Variants in GADL1 observed in about 807,000 individuals in gnomAD.
GADL1 encodes GAD like acidic amino acid decarboxylase 1.
Under a neutral mutation model 69.5 loss-of-function variants are expected in GADL1, and 71 were observed. The observed-to-expected ratio is 1.02, with a 90% CI of 0.84 to 1.25. GADL1 has a LOEUF of 1.25. Ranked by LOEUF, GADL1 falls within the 50% of genes most tolerant of loss-of-function variation. The pLI is 0.00. For missense variants in GADL1, 737 were observed against 631.8 expected, an observed-to-expected ratio of 1.17 and a Z score of -1.79; for synonymous variants, 254 against 214.4, an observed-to-expected ratio of 1.18 and a Z score of -1.62.
chr3:30,752,611 C>T (rs1158532702), intron 14 of GADL1, among the ~76,000 whole-genome samples: 4 of 152,156 alleles, frequency 2.6e-5, no homozygotes, highest in Non-Finnish European at 5.9e-5. Context: ...TTTCTCTTAA[C>T]CTGTTCCCCT....
intron 11 of GADL1, among the ~76,000 whole-genome samples, chr3:30,819,950 AAG>A (rs1463361669): frequency 2.6e-5 from 4 of 152,090 alleles, no homozygotes; most frequent in African/African-American, 9.7e-5. Context: ...ATTTCTGAGC[AAG>A]AGTTTTATAA....
Position 30,751,484 on chromosome 3 carries a change from G to A in GADL1, c.1393-23069C>T, listed in dbSNP as rs532701663. 2.7e-5 allele frequency among the ~76,000 whole-genome samples: 4 copies of A among 150,354 alleles called. No individual in the cohort carries two copies. In the South Asian group the frequency reaches 8.5e-4, roughly 32 times the overall value. ...TTCTGTTCAACATTCCGAGAACCTG[G>A]GTAACTAGAACCTGGGCAACTAGAT... On this transcript the variant is annotated intron_variant, in intron 14 of 14. Coordinates refer to ENST00000282538, the MANE Select transcript of GADL1 (RefSeq NM_207359.3).
At chr3:30,846,537 G>A (rs763888103) in intron 6 of GADL1, among the ~76,000 whole-genome samples, 52 of 151,774 alleles carry the variant, frequency 3.4e-4, no homozygotes, top group Non-Finnish European at 5.7e-4. Context: ...CAAGTTAGCT[G>A]GTAGAGAGAA....
chr3:30,814,839 C>T (rs1437753738), intron 11 of GADL1, among the ~76,000 whole-genome samples: 1 of 151,982 alleles, frequency 6.6e-6, no homozygotes, highest in Non-Finnish European at 1.5e-5. Context: ...TGGTGGGCAC[C>T]TGTAATCCCA....
At chr3:30,807,817 A>C (rs969078290) in intron 11 of GADL1, among the ~76,000 whole-genome samples, 5 of 152,012 alleles carry the variant, frequency 3.3e-5, no homozygotes, top group Non-Finnish European at 5.9e-5. Context: ...AGATCACTGG[A>C]GGTCAGGAGT....
chr3:30,868,300 C>T (rs1698432703), intron 1 of GADL1, among the ~76,000 whole-genome samples: 1 of 152,006 alleles, frequency 6.6e-6, no homozygotes, highest in African/African-American at 2.4e-5. Flanking sequence ...GACCAATTTG[C>T]TTTTATCTTA....
At chr3:30,806,725 A>G (rs1697263115) in intron 11 of GADL1, among the ~76,000 whole-genome samples, 1 of 152,200 alleles carries the variant, frequency 6.6e-6, no homozygotes, top group African/African-American at 2.4e-5. Flanking sequence ...GAAGAAGCTG[A>G]GAGCTGAAAA....
intron 14 of GADL1, among the ~76,000 whole-genome samples, chr3:30,736,767 T>C (rs905602773): frequency 6.6e-6 from 1 of 152,190 alleles, no homozygotes; most frequent in Non-Finnish European, 1.5e-5. Flanking sequence ...ACTTACATTT[T>C]TCCTTTACAA....
intron 1 of GADL1, among the ~76,000 whole-genome samples, chr3:30,872,509 A>G (rs1698506776): frequency 6.6e-6 from 1 of 151,892 alleles, no homozygotes; most frequent in African/African-American, 2.4e-5. Context: ...TCTGAGATTC[A>G]GGGCTGAGTA....
rs185634586 is a variant in GADL1, at chr3:30,858,774, T to G, written c.211-1633A>C. 5.7e-4 allele frequency among the ~76,000 whole-genome samples: 87 copies of G among 152,056 alleles called. 1 individual carries two copies. Among genetic ancestry groups the G allele is most frequent in the Middle Eastern group, 6.8e-3 (2 of 294 alleles). On this transcript the variant is annotated intron_variant, in intron 2 of 14. Coordinates refer to ENST00000282538, the MANE Select transcript of GADL1 (RefSeq NM_207359.3). ...GAGTTCCAGGGAGACACTATGATAA[T>G]GTAACAGTAGTTGATGTGGCTCAGA...
chr3:30,802,596 T>C (rs1575212620), intron 11 of GADL1, among the ~76,000 whole-genome samples: 1 of 152,346 alleles, frequency 6.6e-6, no homozygotes, highest in African/African-American at 2.4e-5. Flanking sequence ...ATTAGCTGAA[T>C]GAAAAGGAAA....
At chr3:30,817,557 G>A (rs1465262191) in intron 11 of GADL1, among the ~76,000 whole-genome samples, 1 of 152,154 alleles carries the variant, frequency 6.6e-6, no homozygotes, top group East Asian at 1.9e-4. Flanking sequence ...AATGCTTGAT[G>A]TTGCTACCTC....
chr3:30,874,587 T>A (rs1698550441), intron 1 of GADL1, among the ~76,000 whole-genome samples: 1 of 151,948 alleles, frequency 6.6e-6, no homozygotes, highest in African/African-American at 2.4e-5. Context: ...GACACAGAGA[T>A]TGCTTGAAGC....
chr3:30,850,868 C>T lies in GADL1; in HGVS notation c.502G>A (p.Gly168Ser). The T allele has an allele frequency of 6.5e-7, 1 of 1,550,206 alleles. No homozygotes were observed. Among genetic ancestry groups the T allele is most frequent in the Non-Finnish European group, 8.7e-7 (1 of 1,145,762 alleles). Residue 168 changes from glycine (G) to serine (S), a missense_variant, in exon 5 of 15, where the codon GGC becomes AGC. Gly to Ser is a moderately conservative substitution (Grantham distance 56). Coordinates refer to ENST00000282538, the MANE Select transcript of GADL1 (RefSeq NM_207359.3). ...AATATTCCATCCCCTTCTTTCCAGC[C>T]AATAAATTCAATCATTTTCTTCAGA... ...AVLKKMIEFIGWKEGDGIFNP... is the reference protein window; with the variant it reads ...AVLKKMIEFISWKEGDGIFNP...
At chr3:30,764,492 TAC>T (rs1352951400) in intron 14 of GADL1, among the ~76,000 whole-genome samples, 2 of 152,344 alleles carry the variant, frequency 1.3e-5, no homozygotes, top group East Asian at 1.9e-4. Flanking sequence ...CAAGTGTAGT[TAC>T]ATTTTCTTTC....
chr3:30,736,502 T>G (rs1695543518), intron 14 of GADL1, among the ~76,000 whole-genome samples: 1 of 152,196 alleles, frequency 6.6e-6, no homozygotes. Context: ...TAAAATAAAT[T>G]TGTATTTAAT....
intron 14 of GADL1, among the ~76,000 whole-genome samples, chr3:30,733,408 G>A (rs1387928238): frequency 6.6e-6 from 1 of 152,148 alleles, no homozygotes; most frequent in Non-Finnish European, 1.5e-5. Context: ...GGTTCCCAAT[G>A]TGTCCCACTT....
At chr3:30,854,468 T>G (rs1198234221) in intron 4 of GADL1, among the ~76,000 whole-genome samples, 2 of 152,130 alleles carry the variant, frequency 1.3e-5, no homozygotes, top group Non-Finnish European at 2.9e-5. Context: ...AATTTTCTCA[T>G]CTGTTAAATC....
In GADL1 at chr3:30,857,139, C is replaced by T. The variant is rs1193245656; in HGVS notation, c.213G>A (p.Val71=). 1.9e-6 allele frequency: 3 copies of T among 1,549,982 alleles called. No individual in the cohort carries two copies. Among genetic ancestry groups the T allele is most frequent in the South Asian group, 2.4e-5 (2 of 83,968 alleles). The change falls in exon 3 of 15, where the codon GTG becomes GTA. Residue 71 remains valine, a splice_region_variant and synonymous_variant. Coordinates refer to ENST00000282538, the MANE Select transcript of GADL1 (RefSeq NM_207359.3). ...GTTGTTCAGGAGGCCTCCATTCACA[C>T]ACCTGGAGATTCAACCACAACACAA... ...VLKATDVNEK[V]CEWRPPEQLK... is the part of the protein sequence containing the mutation.
Sources: allele counts gnomAD v4.1 joint callset (sites outside exome capture counted in the v4.1 genomes callset), GRCh38; gene constraint gnomAD v4.1.1; transcripts MANE v1.5; gene names NCBI Gene and HGNC (gene_info 2026-07-23, HGNC 2026-07-21).